The following KDM4B variants were observed in gnomAD, a reference collection of about 807,000 sequenced individuals.
The protein encoded by KDM4B is lysine demethylase 4B, also known as lysine-specific demethylase 4B.
Under a neutral mutation model 125.2 loss-of-function variants are expected in KDM4B, and 32 were observed. That is an observed-to-expected ratio of 0.26 (90% CI 0.19 to 0.34). KDM4B has a LOEUF of 0.34. Among genes scored for constraint, KDM4B ranks in the 10% least tolerant of loss-of-function variants. The probability of loss-of-function intolerance (pLI) is 1.00; values close to 1 mark genes in which losing one functional copy is unlikely to be tolerated. For missense variants in KDM4B, 1,190 were observed against 1,577.7 expected, an observed-to-expected ratio of 0.75 and a Z score of 4.16; for synonymous variants, 721 against 677.9, an observed-to-expected ratio of 1.06 and a Z score of -0.99.
chr19:5,150,688 G>T (rs1205027336), intron 22 of KDM4B, among the ~76,000 whole-genome samples: 1 of 152,118 alleles, frequency 6.6e-6, no homozygotes, highest in Non-Finnish European at 1.5e-5. Context: ...TGTGGGGAGG[G>T]AGGGTTGGAG....
At chr19:5,052,464 G>T (rs2037260602) in intron 6 of KDM4B, among the ~76,000 whole-genome samples, 1 of 152,142 alleles carries the variant, frequency 6.6e-6, no homozygotes, top group South Asian at 2.1e-4. Context: ...AGAGCCTGGG[G>T]TGGATGAGTC....
intron 6 of KDM4B, among the ~76,000 whole-genome samples, chr19:5,054,119 C>T (rs1253826471): frequency 6.6e-6 from 1 of 152,238 alleles, no homozygotes; most frequent in Non-Finnish European, 1.5e-5. Flanking sequence ...AAGTCTTGCT[C>T]TGTCATCCAG....
In KDM4B at chr19:5,142,858, G is replaced by C. The variant is rs1420957268; in HGVS notation, c.2551-1109G>C. On this transcript the variant is annotated intron_variant, in intron 18 of 22. Transcript: ENST00000159111. This position sits in a 1 kb window ranked among gnomAD's most constrained non-coding sequence, Gnocchi z 5.4. ...CTGGCTTTTGAACGTGGTTTATAGA[G>C]TGGTGACGGTGCCGCTTATTAAATG... Among the ~76,000 whole-genome samples the C allele has an allele frequency of 6.6e-6, 1 of 152,088 alleles. No individual in the cohort carries two copies. Among genetic ancestry groups the C allele is most frequent in the African/African-American group, 2.4e-5 (1 of 41,392 alleles).
intron 6 of KDM4B, among the ~76,000 whole-genome samples, chr19:5,068,254 C>T (rs567898239): frequency 1.3e-5 from 2 of 152,332 alleles, no homozygotes; most frequent in East Asian, 1.9e-4. Flanking sequence ...CGAAGGCTCC[C>T]TGAGTCTCTT....
chr19:5,144,314 T>C lies in KDM4B; in HGVS notation c.2803T>C (p.Tyr935His). 6.3e-7 allele frequency: 1 copy of C among 1,586,634 alleles called. No individual in the cohort carries two copies. The highest frequency in any genetic ancestry group is 2.3e-5 in the East Asian group (1 of 43,428). The change falls in exon 20 of 23, where the codon TAC becomes CAC. Residue 935 changes from tyrosine to histidine, a missense_variant. Tyr to His is a moderately conservative substitution (Grantham distance 83). Coordinates refer to ENST00000159111, the MANE Select transcript of KDM4B (RefSeq NM_015015.3). ...VITKNRNGLY[Y>H]RCRVIGAASQ... ...CACCAAGAACCGCAACGGGCTGTAC[T>C]ACCGCTGTCGCGTCATCGGTGCCGC...
chr19:4,980,737 T>G (rs576261810), intron 1 of KDM4B, among the ~76,000 whole-genome samples: 45 of 152,206 alleles, frequency 3.0e-4, no homozygotes, highest in African/African-American at 9.1e-4. Context: ...CCACTTTGTC[T>G]CTTTACCTGG....
In KDM4B at chr19:5,082,952, G is replaced by A. The variant is rs573509309; in HGVS notation, c.918+448G>A. On this transcript the variant is annotated intron_variant, in intron 9 of 22. Coordinates refer to ENST00000159111, the MANE Select transcript of KDM4B (RefSeq NM_015015.3). The surrounding 1 kb of genome is among the most constrained non-coding windows in gnomAD (Gnocchi z 5.4). ...CTGGGGGCCGCTTGGCCAGGCAGGA[G>A]CCCACTCAGGCATCTGCCCCCCTCC... Among the ~76,000 whole-genome samples, 3 of 152,294 alleles carry A rather than the reference G, an allele frequency of 2.0e-5. No homozygotes were observed. Among genetic ancestry groups the A allele is most frequent in the South Asian group, 2.1e-4 (1 of 4,824 alleles).
intron 16 of KDM4B, 132 bp downstream of exon 16, chr19:5,137,470 GAACCCA>G (rs2039669454): frequency 8.4e-7 from 1 of 1,190,210 alleles, no homozygotes; most frequent in Non-Finnish European, 1.2e-6. Flanking sequence ...TGAGGGGGTG[GAACCCA>G]AGGGATTCCC....
Position 5,096,494 on chromosome 19 carries a change from C to T in KDM4B, c.918+13990C>T, listed in dbSNP as rs185972079. On this transcript the variant is annotated intron_variant, in intron 9 of 22. Coordinates refer to ENST00000159111, the MANE Select transcript of KDM4B (RefSeq NM_015015.3). ...CCAGGTCTCCACGGGCTTGGGCAACCCCTGGGGTTCCTGCTGACCTCAGTG... is the reference window on the plus strand; with the variant it reads ...CCAGGTCTCCACGGGCTTGGGCAACTCCTGGGGTTCCTGCTGACCTCAGTG... 2.6e-5 allele frequency among the ~76,000 whole-genome samples: 4 copies of T among 152,260 alleles called. No individual in the cohort carries two copies. In the East Asian group the frequency reaches 7.7e-4, roughly 29 times the overall value.
intron 1 of KDM4B, among the ~76,000 whole-genome samples, chr19:4,988,108 G>A (rs1407383588): frequency 1.3e-5 from 2 of 152,210 alleles, no homozygotes; most frequent in Non-Finnish European, 2.9e-5. Flanking sequence ...AGGGGCAGGA[G>A]CTGGGGCCCT....
chr19:5,005,462 T>C (rs193171773), intron 1 of KDM4B, among the ~76,000 whole-genome samples: 45 of 152,216 alleles, frequency 3.0e-4, no homozygotes, highest in Admixed American at 2.4e-3. Context: ...GGGGACCTCA[T>C]TGAGCTTCCT....
At chr19:5,083,553 C>T (rs189180353) in intron 9 of KDM4B, among the ~76,000 whole-genome samples, 15 of 152,320 alleles carry the variant, frequency 9.8e-5, no homozygotes, top group African/African-American at 3.4e-4. Flanking sequence ...CGTGCTTTTC[C>T]TGGCTGCCCC....
chr19:5,054,623 G>A (rs1028276221), intron 6 of KDM4B, among the ~76,000 whole-genome samples: 4 of 152,244 alleles, frequency 2.6e-5, no homozygotes, highest in African/African-American at 9.6e-5. Context: ...GGAGTCTGCT[G>A]GGTAACTGAG....
chr19:5,051,148 G>A (rs967659927), intron 6 of KDM4B, among the ~76,000 whole-genome samples: 3 of 152,202 alleles, frequency 2.0e-5, no homozygotes, highest in African/African-American at 4.8e-5. Context: ...CATGCCCCTA[G>A]AAGAGAGTTC....
chr19:5,088,675 C>CCCT (rs1555710941), intron 9 of KDM4B, among the ~76,000 whole-genome samples: 1 of 146,460 alleles, frequency 6.8e-6, no homozygotes, highest in African/African-American at 2.6e-5. Context: ...TCCCCCCCCC[C>CCCT]GCAAAAGAGC....
intron 6 of KDM4B, among the ~76,000 whole-genome samples, chr19:5,069,559 C>T (rs1464123325): frequency 5.9e-5 from 9 of 151,796 alleles, no homozygotes; most frequent in Non-Finnish European, 1.0e-4. Context: ...CCACCCGCCT[C>T]GGCCTCCCAA....
At chr19:5,041,368 C>A in intron 5 of KDM4B, 117 bp downstream of exon 5, 1 of 708,410 alleles carries the variant, frequency 1.4e-6, no homozygotes, top group Admixed American at 2.4e-5. Flanking sequence ...AAGGTTAACC[C>A]CCTCGCCCAG....
At position 5,114,085 on chromosome 19, in the gene KDM4B, C is replaced by T. The variant is rs372125077; in HGVS notation, c.1115+3267C>T. The T allele has an allele frequency of 6.2e-6, 8 of 1,289,326 alleles. No homozygotes were observed. The East Asian group carries it at 1.7e-4, about 27-fold the overall frequency. The allele number at this position is 1,289,326 out of a possible 1,614,324, so 79.9% of individuals were successfully genotyped here. ...GGCTCCTGGCGGGTGCCCTCAGCCT[C>T]CCCACTCCCGGTGGCGCTGTGCGTT... On this transcript the variant is annotated intron_variant, in intron 10 of 22. Coordinates refer to ENST00000159111, the MANE Select transcript of KDM4B (RefSeq NM_015015.3). This position sits in a 1 kb window ranked among gnomAD's most constrained non-coding sequence, Gnocchi z 5.8.
rs1302173026 is a variant in KDM4B, at chr19:5,137,335, T to C, written c.2382T>C (p.Thr794=). ...TCSRCAAHAW[T]AECCLCNLRG... ...CCCGGTGCGCGGCCCACGCCTGGAC[T>C]GCGGTAACTCGCTCCCCGCAGCGGG... Residue 794 remains threonine, a synonymous_variant, in exon 16 of 23, where the codon ACT becomes ACC. Transcript: ENST00000159111. 1.3e-6 allele frequency: 2 copies of C among 1,566,232 alleles called. No homozygotes were observed. Among genetic ancestry groups the C allele is most frequent in the Non-Finnish European group, 1.7e-6 (2 of 1,155,496 alleles).
Sources: gnomAD v4.1 joint callset for allele counts (sites outside exome capture counted in the v4.1 genomes callset) on GRCh38, gnomAD v4.1.1 for gene constraint, Gnocchi (gnomAD v3.1) non-coding constraint, MANE v1.5 for transcripts, NCBI Gene and HGNC (gene_info 2026-07-23, HGNC 2026-07-21) for gene names.